Variants in DLGAP2 observed in about 807,000 individuals in gnomAD.
The protein encoded by DLGAP2 is DLG associated protein 2.
Under a neutral mutation model 100.3 loss-of-function variants are expected in DLGAP2, and 26 were observed. The observed-to-expected ratio is 0.26, with a 90% CI of 0.19 to 0.36. DLGAP2 has a LOEUF of 0.36. DLGAP2 is among the 10% of genes least tolerant of loss of function. The pLI is 1.00. For missense variants in DLGAP2, 1,858 were observed against 1,453.2 expected, an observed-to-expected ratio of 1.28 and a Z score of -4.53; for synonymous variants, 886 against 630.1, an observed-to-expected ratio of 1.41 and a Z score of -6.08.
chr8:1,154,989 G>C (rs187120529), intron 2 of DLGAP2, among the ~76,000 whole-genome samples: 1 of 152,134 alleles, frequency 6.6e-6, no homozygotes, highest in African/African-American at 2.4e-5. Context: ...ACTTCTTCCC[G>C]GGCCTTGTCC....
chr8:1,439,705 C>T (rs1300464416), intron 3 of DLGAP2, among the ~76,000 whole-genome samples: 2 of 152,166 alleles, frequency 1.3e-5, no homozygotes, highest in African/African-American at 4.8e-5. Flanking sequence ...TGCTCACCTT[C>T]TTCCCGCCAT....
At chr8:917,872 C>A (rs1003056295) in intron 2 of DLGAP2, among the ~76,000 whole-genome samples, 6 of 152,196 alleles carry the variant, frequency 3.9e-5, no homozygotes, top group African/African-American at 1.4e-4. Context: ...AGCTACTGCG[C>A]CCGGCCTCCA....
intron 2 of DLGAP2, among the ~76,000 whole-genome samples, chr8:1,204,445 C>A (rs1490832102): frequency 4.6e-5 from 7 of 152,348 alleles, no homozygotes; most frequent in Middle Eastern, 3.4e-3. Context: ...CCAGGCTGAC[C>A]GTGTAATGAC....
intron 12 of DLGAP2, 177 bp downstream of exon 12, chr8:1,678,806 G>C (rs1798874767): frequency 1.4e-6 from 1 of 709,598 alleles, no homozygotes; most frequent in African/African-American, 1.8e-5. Flanking sequence ...TACATGAAAA[G>C]AGAAGCAGTC....
chr8:1,055,794 G>A (rs1251372673), intron 2 of DLGAP2, among the ~76,000 whole-genome samples: 2 of 152,254 alleles, frequency 1.3e-5, no homozygotes, highest in Admixed American at 6.5e-5. Flanking sequence ...GGCCTCGCCA[G>A]CAGAGAGGGG....
chr8:1,269,944 A>C (rs1023481087), intron 3 of DLGAP2, among the ~76,000 whole-genome samples: 4 of 152,214 alleles, frequency 2.6e-5, no homozygotes, highest in Admixed American at 1.3e-4. Flanking sequence ...GTGGAGAGGC[A>C]CATGCAGAAT....
intron 2 of DLGAP2, among the ~76,000 whole-genome samples, chr8:1,089,588 C>T (rs1299862903): frequency 6.6e-6 from 1 of 152,220 alleles, no homozygotes; most frequent in Non-Finnish European, 1.5e-5. Flanking sequence ...AGGCCCACTG[C>T]TCAGAGTTGG....
At chr8:1,362,823 G>A (rs1802016831) in intron 3 of DLGAP2, among the ~76,000 whole-genome samples, 1 of 152,222 alleles carries the variant, frequency 6.6e-6, no homozygotes, top group Admixed American at 6.5e-5. Context: ...TGGGCTTCTG[G>A]GCTTCTCCTG....
Position 1,428,550 on chromosome 8 carries a change from T to C in DLGAP2, c.107-72816T>C, listed in dbSNP as rs957689725. ...AGGACAGAATAAGAAAAGAAAATTA[T>C]AGGTCAGATTGACTGCTGGGAACAG... On this transcript the variant is annotated intron_variant, in intron 3 of 14. Transcript: ENST00000637795. 4.6e-5 allele frequency among the ~76,000 whole-genome samples: 7 copies of C among 151,756 alleles called. No individual in the cohort carries two copies. The East Asian group carries it at 7.7e-4, about 17-fold the overall frequency.
intron 3 of DLGAP2, among the ~76,000 whole-genome samples, chr8:1,410,775 T>A (rs1796706767): frequency 6.6e-6 from 1 of 151,992 alleles, no homozygotes; most frequent in South Asian, 2.1e-4. Flanking sequence ...GTTCAGGAAT[T>A]TTCCCAGATT....
intron 2 of DLGAP2, among the ~76,000 whole-genome samples, chr8:969,144 G>T (rs1279186669): frequency 1.3e-5 from 2 of 152,162 alleles, no homozygotes; most frequent in Non-Finnish European, 2.9e-5. Flanking sequence ...CCCCAGGGGG[G>T]ATGGGCTCAC....
At chr8:1,392,372 C>G (rs1392809243) in intron 3 of DLGAP2, among the ~76,000 whole-genome samples, 1 of 152,144 alleles carries the variant, frequency 6.6e-6, no homozygotes, top group East Asian at 1.9e-4. Flanking sequence ...GAGGGCTTCC[C>G]TTTCTTCCCA....
At chr8:1,065,992 C>G (rs1268611531) in intron 2 of DLGAP2, among the ~76,000 whole-genome samples, 1 of 152,224 alleles carries the variant, frequency 6.6e-6, no homozygotes, top group Non-Finnish European at 1.5e-5. Flanking sequence ...CTGAGCGTGG[C>G]CACGTCGTGG....
intron 3 of DLGAP2, among the ~76,000 whole-genome samples, chr8:1,275,876 TATAA>T (rs528689999): frequency 0.063 from 4,840 of 76,252 alleles, 14 homozygotes; most frequent in Middle Eastern, 0.097. Context: ...ATATATAATA[TATAA>T]ATAAATATAT....
At chr8:1,220,837 C>G (rs1798301268) in intron 2 of DLGAP2, among the ~76,000 whole-genome samples, 1 of 151,698 alleles carries the variant, frequency 6.6e-6, no homozygotes, top group South Asian at 2.1e-4. Flanking sequence ...TTGAATTGAA[C>G]CTTTTATCAT....
At chr8:1,564,548 T>C (rs1197790683) in intron 5 of DLGAP2, among the ~76,000 whole-genome samples, 1 of 152,228 alleles carries the variant, frequency 6.6e-6, no homozygotes, top group East Asian at 1.9e-4. Flanking sequence ...GGCAGATATA[T>C]AGCAAGTACA....
intron 2 of DLGAP2, among the ~76,000 whole-genome samples, chr8:1,103,036 C>T (rs1173700422): frequency 6.6e-6 from 1 of 151,506 alleles, no homozygotes; most frequent in African/African-American, 2.4e-5. Context: ...CTGTGGTTCC[C>T]TATGAGTCTC....
At chr8:816,705 G>A (rs1796487086) in intron 1 of DLGAP2, among the ~76,000 whole-genome samples, 1 of 152,160 alleles carries the variant, frequency 6.6e-6, no homozygotes, top group Non-Finnish European at 1.5e-5. Flanking sequence ...CTAAGGTGAT[G>A]ATCTTTTTGT....
intron 2 of DLGAP2, among the ~76,000 whole-genome samples, chr8:989,519 G>T (rs946054655): frequency 6.6e-6 from 1 of 152,142 alleles, no homozygotes; most frequent in South Asian, 2.1e-4. Flanking sequence ...GGATGCAAAG[G>T]CTTTGGTACC....
Sources: gnomAD v4.1 joint callset for allele counts (sites outside exome capture counted in the v4.1 genomes callset) on GRCh38, gnomAD v4.1.1 for gene constraint, MANE v1.5 for transcripts, NCBI Gene and HGNC (gene_info 2026-07-23, HGNC 2026-07-21) for gene names.